The following ADGRE1 variants were observed in gnomAD, a reference collection of about 807,000 sequenced individuals.
ADGRE1 encodes the protein EGF-like module receptor 1.
ADGRE1 carries 82 observed loss-of-function variants against 102.7 expected under a neutral mutation model. The observed-to-expected ratio is 0.80, with a 90% confidence interval of 0.67 to 0.96. ADGRE1 has a LOEUF of 0.96. Among genes scored for constraint, ADGRE1 ranks in the 40% least tolerant of loss-of-function variants. The pLI is 0.00. For synonymous variants in ADGRE1, 398 were observed against 399.6 expected, an observed-to-expected ratio of 1.00 and a Z score of 0.05; for missense variants, 1,032 against 1,085.3, an observed-to-expected ratio of 0.95 and a Z score of 0.69.
chr19:6,925,572 A>C (rs1974864033), intron 15 of ADGRE1, among the ~76,000 whole-genome samples: 2 of 152,204 alleles, frequency 1.3e-5, no homozygotes, highest in South Asian at 4.1e-4. Context: ...GATACTGCTA[A>C]GTATCTTGTC....
chr19:6,925,479 G>C (rs922576738), intron 15 of ADGRE1, among the ~76,000 whole-genome samples: 3 of 151,984 alleles, frequency 2.0e-5, no homozygotes, highest in Admixed American at 6.6e-5. Flanking sequence ...TGTCCCCAGG[G>C]GAGACTTGGC....
At chr19:6,899,503 A>C (rs1179324111) in intron 5 of ADGRE1, among the ~76,000 whole-genome samples, 1 of 151,902 alleles carries the variant, frequency 6.6e-6, no homozygotes, top group South Asian at 2.1e-4. Context: ...ACATGGTGAA[A>C]CCTTGTCGCT....
At position 6,906,458 on chromosome 19, in the gene ADGRE1, T is replaced by A; in HGVS notation, c.975T>A (p.Asp325Glu). The change falls in exon 9 of 21, where the codon GAT becomes GAA. Residue 325 changes from aspartate to glutamate, a missense_variant. Transcript: ENST00000312053. ...CQRVLFKCKE[D>E]VIPDNKQIQQ... ...GGGTTCTCTTCAAATGTAAGGAAGA[T>A]GTGATACCCGATAATAAGCAGATCC... 6.2e-7 allele frequency: 1 copy of A among 1,613,930 alleles called. No homozygotes were observed. Among genetic ancestry groups the A allele is most frequent in the Non-Finnish European group, 8.5e-7 (1 of 1,179,856 alleles).
intron 18 of ADGRE1, among the ~76,000 whole-genome samples, 176 bp downstream of exon 18, chr19:6,935,254 G>A (rs1260359877): frequency 2.0e-5 from 3 of 151,938 alleles, no homozygotes; most frequent in East Asian, 1.9e-4. Context: ...AACTATTTAC[G>A]AGCTGTGTGA....
At chr19:6,922,758 G>T (rs921768291) in intron 14 of ADGRE1, among the ~76,000 whole-genome samples, 2 of 152,002 alleles carry the variant, frequency 1.3e-5, no homozygotes, top group African/African-American at 4.8e-5. Flanking sequence ...TGGAAGAGAG[G>T]AAGGACATCC....
intron 10 of ADGRE1, among the ~76,000 whole-genome samples, chr19:6,912,127 C>CACAT (rs952203319): frequency 1.3e-5 from 2 of 151,936 alleles, no homozygotes; most frequent in African/African-American, 4.8e-5. Flanking sequence ...TACACAAACA[C>CACAT]ACATACATAC....
chr19:6,896,560 A>G lies in ADGRE1; in HGVS notation c.238+19A>G. The G allele has an allele frequency of 6.2e-7, 1 of 1,610,054 alleles. No homozygotes were observed. On this transcript the variant is annotated intron_variant, in intron 3 of 20. Coordinates refer to ENST00000312053, the MANE Select transcript of ADGRE1 (RefSeq NM_001974.5). Reference sequence around the variant, plus strand: ...TGCAAAGGTGAGTTCATGTCCCCTCAAACCATCCAGCATTTGGTAGGAAAA... The same window carrying G: ...TGCAAAGGTGAGTTCATGTCCCCTCGAACCATCCAGCATTTGGTAGGAAAA...
chr19:6,937,964 A>G (rs1975496928), intron 20 of ADGRE1, among the ~76,000 whole-genome samples: 1 of 151,390 alleles, frequency 6.6e-6, no homozygotes, highest in Non-Finnish European at 1.5e-5. Flanking sequence ...TGTTATGTTT[A>G]TAAAATACAT....
At position 6,902,269 on chromosome 19, in the gene ADGRE1, A is replaced by G. The variant is rs565701579; in HGVS notation, c.661+248A>G. 4.6e-5 allele frequency among the ~76,000 whole-genome samples: 7 copies of G among 152,284 alleles called. No homozygotes were observed. In the East Asian group the frequency reaches 9.6e-4, roughly 21 times the overall value. On this transcript the variant is annotated intron_variant, in intron 6 of 20. Transcript: ENST00000312053. The stretch of plus-strand genomic sequence containing the variant: ...CATCCCACTGGGGCTTAGGGCTTCC[A>G]TATAGGAATTTGGAGGAGGGGCACC...
At chr19:6,933,895 G>A (rs1351126436) in intron 17 of ADGRE1, among the ~76,000 whole-genome samples, 1 of 149,684 alleles carries the variant, frequency 6.7e-6, no homozygotes, top group South Asian at 2.1e-4. Context: ...TCTTGCTCAG[G>A]AATGCTTTTG....
At chr19:6,889,176 C>T (rs1439151551) in intron 1 of ADGRE1, among the ~76,000 whole-genome samples, 4 of 143,060 alleles carry the variant, frequency 2.8e-5, no homozygotes, top group Non-Finnish European at 4.5e-5. Flanking sequence ...GTGATAATGA[C>T]GATGAAGATG....
In ADGRE1 at chr19:6,887,613, G is replaced by A. The variant is rs34176643; in HGVS notation, c.5G>A (p.Arg2His). 2.5e-5 allele frequency: 40 copies of A among 1,612,626 alleles called. No individual in the cohort carries two copies. Among genetic ancestry groups the A allele is most frequent in the South Asian group, 5.5e-5 (5 of 90,856 alleles). ...GAATGACAGAACTACAGCATAATGC[G>A]TGGCTTCAACCTGCTCCTCTTCTGG... M[R>H]GFNLLLFWGC... Residue 2 changes from arginine (R) to histidine (H), a missense_variant, in exon 1 of 21, where the codon CGT (arginine) becomes CAT (histidine). Transcript: ENST00000312053.
intron 10 of ADGRE1, among the ~76,000 whole-genome samples, chr19:6,910,380 G>A (rs2069864281): frequency 6.6e-6 from 1 of 152,080 alleles, no homozygotes; most frequent in South Asian, 2.1e-4. Flanking sequence ...TGGGTCCTGA[G>A]CGACTCATAA....
At chr19:6,911,187 T>G (rs948954217) in intron 10 of ADGRE1, among the ~76,000 whole-genome samples, 2 of 152,082 alleles carry the variant, frequency 1.3e-5, no homozygotes, top group African/African-American at 4.8e-5. Flanking sequence ...GGCTTCCTGT[T>G]TCTCTTGGAC....
chr19:6,930,869 C>T (rs1407205820), intron 17 of ADGRE1, among the ~76,000 whole-genome samples: 1 of 152,086 alleles, frequency 6.6e-6, no homozygotes, highest in East Asian at 1.9e-4. Flanking sequence ...GAATTCATGA[C>T]CTCAGGTGAC....
Position 6,913,265 on chromosome 19 carries a change from G to A in ADGRE1, c.1123-388G>A, listed in dbSNP as rs190864795. ...GCGATCTCAGCTCACTGCAAGCTCT[G>A]CCTCCTGGGTTCAAGTGATTCTCCT... On this transcript the variant is annotated intron_variant, in intron 10 of 20. Transcript: ENST00000312053. 3.4e-3 allele frequency among the ~76,000 whole-genome samples: 523 copies of A among 152,102 alleles called. 7 individuals are homozygous for A. Among genetic ancestry groups the A allele is most frequent in the African/African-American group, 0.012 (487 of 41,480 alleles).
chr19:6,899,023 T>C (rs1034927034), intron 5 of ADGRE1, among the ~76,000 whole-genome samples: 4 of 152,200 alleles, frequency 2.6e-5, no homozygotes, highest in African/African-American at 9.6e-5. Flanking sequence ...GTCACAGTGT[T>C]GCTCGCTACT....
At chr19:6,915,717 C>T (rs1365704993) in intron 11 of ADGRE1, among the ~76,000 whole-genome samples, 2 of 151,844 alleles carry the variant, frequency 1.3e-5, no homozygotes, top group Non-Finnish European at 2.9e-5. Flanking sequence ...GTCAGGAGAT[C>T]GAGACCATCC....
rs1019553882 is a variant in ADGRE1, at chr19:6,922,657, C to A, written c.1791+774C>A. On this transcript the variant is annotated intron_variant, in intron 14 of 20. Coordinates refer to ENST00000312053, the MANE Select transcript of ADGRE1 (RefSeq NM_001974.5). ...ACACACACACACACACACACACACA[C>A]AAACAAAAAGAATTCTGAGGTGTTT... is the stretch of plus-strand genomic sequence containing the variant. Among the ~76,000 whole-genome samples, 5 of 140,240 alleles carry A rather than the reference C, an allele frequency of 3.6e-5. 1 individual carries two copies. Among genetic ancestry groups the A allele is most frequent in the African/African-American group, 1.3e-4 (5 of 37,854 alleles). 92.0% of individuals were successfully genotyped at this position (140,240 alleles called of 152,430 possible). A position where few individuals can be genotyped will look rare whatever the true frequency, so the allele number is the denominator to read the frequency against.
Sources: gnomAD v4.1 joint callset for allele counts (sites outside exome capture counted in the v4.1 genomes callset) on GRCh38, gnomAD v4.1.1 for gene constraint, MANE v1.5 for transcripts, NCBI Gene and HGNC (gene_info 2026-07-23, HGNC 2026-07-21) for gene names.